The following CYP3A43 variants were observed in gnomAD, a reference collection of about 807,000 sequenced individuals.
The protein encoded by CYP3A43 is cytochrome P450 3A43.
In CYP3A43, 45 loss-of-function variants were observed where a neutral mutation model predicts 58.0. The ratio of observed to expected loss-of-function variants is 0.78; its 90% CI spans 0.61 to 0.99. CYP3A43 has a LOEUF of 0.99. Ranked by LOEUF, CYP3A43 falls within the 50% of genes least tolerant of loss-of-function variation. CYP3A43 has a pLI of 0.00. For missense variants in CYP3A43, 593 were observed against 591.9 expected, an observed-to-expected ratio of 1.00 and a Z score of -0.02; for synonymous variants, 191 against 201.4, an observed-to-expected ratio of 0.95 and a Z score of 0.44.
At chr7:99,833,509 G>C (rs1816931875) in intron 1 of CYP3A43, among the ~76,000 whole-genome samples, 1 of 152,218 alleles carries the variant, frequency 6.6e-6, no homozygotes, top group African/African-American at 2.4e-5. Context: ...CAATGCCTGG[G>C]AAGGGAGGAG....
chr7:99,860,843 A>G lies in CYP3A43; in HGVS notation c.1027-770A>G, dbSNP rs45556241. 2.7e-3 allele frequency among the ~76,000 whole-genome samples: 404 copies of G among 152,014 alleles called. 10 individuals carry two copies. In the East Asian group the frequency reaches 0.055, roughly 21 times the overall value. ...AAAAGAACTAGTTTATCCCCAAACTATTTATAGGGTTTTTATATAACATAG... is the reference window on the plus strand; with the variant it reads ...AAAAGAACTAGTTTATCCCCAAACTGTTTATAGGGTTTTTATATAACATAG... On this transcript the variant is annotated intron_variant, in intron 10 of 12. Transcript: ENST00000354829.
intron 4 of CYP3A43, among the ~76,000 whole-genome samples, chr7:99,844,472 C>T (rs1365133877): frequency 4.6e-5 from 7 of 152,032 alleles, no homozygotes; most frequent in South Asian, 4.1e-4. Flanking sequence ...GCTTTACATG[C>T]CCTCATTTGT....
chr7:99,855,969 G>A (rs1817962474), intron 8 of CYP3A43, among the ~76,000 whole-genome samples: 1 of 152,194 alleles, frequency 6.6e-6, no homozygotes, highest in African/African-American at 2.4e-5. Flanking sequence ...TGTAGAGATA[G>A]AAGCTTTACC....
chr7:99,863,956 G>C (rs914879189), intron 12 of CYP3A43, among the ~76,000 whole-genome samples: 3 of 148,486 alleles, frequency 2.0e-5, no homozygotes, highest in Admixed American at 6.6e-5. Context: ...CTGTGAACTT[G>C]AGCAAATTTT....
chr7:99,840,046 A>G (rs1321931791), intron 3 of CYP3A43, among the ~76,000 whole-genome samples: 1 of 152,072 alleles, frequency 6.6e-6, no homozygotes, highest in African/African-American at 2.4e-5. Context: ...GCCCTTTTCT[A>G]TTGGCACAGC....
In CYP3A43 at chr7:99,828,146, A is replaced by C; in HGVS notation, c.31A>C (p.Thr11Pro). The C allele has an allele frequency of 6.2e-7, 1 of 1,613,240 alleles. No homozygotes were observed. The highest frequency in any genetic ancestry group is 8.5e-7 in the Non-Finnish European group (1 of 1,179,464). The change falls in exon 1 of 13, where the codon ACA becomes CCA. Residue 11 changes from threonine to proline, a missense_variant. Physicochemically the swap from Thr to Pro is conservative, Grantham distance 38. Transcript: ENST00000354829. ...TCTCATTCCAAACTTTGCCATGGAA[A>C]CATGGGTTCTTGTGGCTACCAGCCT... MDLIPNFAMETWVLVATSLVL... is the reference protein window; with the variant it reads MDLIPNFAMEPWVLVATSLVL...
In CYP3A43 at chr7:99,859,856, C is replaced by A. The variant is rs767111010; in HGVS notation, c.892C>A (p.Gln298Lys). Reference sequence around the variant, plus strand: ...TCTGTCTGATCTGGAGCTTGTGGCCCAGTCAATTATCATCATTTTTGCTGC... The same window carrying A: ...TCTGTCTGATCTGGAGCTTGTGGCCAAGTCAATTATCATCATTTTTGCTGC... ...KALSDLELVA[Q>K]SIIIIFAAYD... is the part of the protein sequence containing the mutation. Residue 298 changes from glutamine (Q) to lysine (K), a missense_variant, in exon 10 of 13, where the codon CAG becomes AAG. Physicochemically the swap from Gln to Lys is moderately conservative, Grantham distance 53. Coordinates refer to ENST00000354829, the MANE Select transcript of CYP3A43 (RefSeq NM_057095.3). 7.0e-5 allele frequency: 113 copies of A among 1,614,008 alleles called. No homozygotes were observed. The highest frequency in any genetic ancestry group is 8.5e-5 in the Non-Finnish European group (100 of 1,180,038).
intron 7 of CYP3A43, among the ~76,000 whole-genome samples, chr7:99,852,717 C>T (rs1817809321): frequency 6.6e-6 from 1 of 152,122 alleles, no homozygotes; most frequent in African/African-American, 2.4e-5. Context: ...GTATCCTTGT[C>T]TCATTCATGA....
At chr7:99,863,057 A>G (rs1818303480) in intron 11 of CYP3A43, among the ~76,000 whole-genome samples, 1 of 152,218 alleles carries the variant, frequency 6.6e-6, no homozygotes, top group Non-Finnish European at 1.5e-5. Flanking sequence ...AATGTTTGAC[A>G]TACACATAAC....
chr7:99,836,486 G>T lies in CYP3A43; in HGVS notation c.105G>T (p.Lys35Asn). 3.1e-6 allele frequency: 5 copies of T among 1,610,760 alleles called. No individual in the cohort carries two copies. Among genetic ancestry groups the T allele is most frequent in the Non-Finnish European group, 4.2e-6 (5 of 1,179,294 alleles). The change falls in exon 2 of 13, where the codon AAG becomes AAT. Residue 35 changes from lysine (K) to asparagine (N), a missense_variant. Transcript: ENST00000354829. ...YGTHSHKLFK[K>N]LGIPGPTPLP... ...CCCATTCACATAAACTTTTTAAGAA[G>T]CTGGGAATTCCTGGGCCAACCCCTC... is the stretch of plus-strand genomic sequence containing the variant.
intron 7 of CYP3A43, among the ~76,000 whole-genome samples, chr7:99,852,410 G>C (rs1462678220): frequency 6.6e-6 from 1 of 152,084 alleles, no homozygotes; most frequent in African/African-American, 2.4e-5. Context: ...ACCTTTTTAA[G>C]TTTTCTAATC....
chr7:99,860,022 G>T (rs536383465), intron 10 of CYP3A43, 32 bp downstream of exon 10: 1 of 1,546,710 alleles, frequency 6.5e-7, no homozygotes, highest in Admixed American at 2.0e-5. Context: ...GAAGGAGGGA[G>T]AAGGTGAAGC....
At chr7:99,853,528 A>C (rs192814997) in intron 7 of CYP3A43, among the ~76,000 whole-genome samples, 1 of 152,046 alleles carries the variant, frequency 6.6e-6, no homozygotes, top group Non-Finnish European at 1.5e-5. Flanking sequence ...AAGTTTGCCA[A>C]TTTTGATGAT....
chr7:99,831,538 C>T (rs377657742), intron 1 of CYP3A43, among the ~76,000 whole-genome samples: 8 of 152,316 alleles, frequency 5.3e-5, no homozygotes, highest in African/African-American at 1.4e-4. Flanking sequence ...GTTACATCGG[C>T]GGGATGCAGC....
At chr7:99,844,329 G>A (rs565953842) in intron 4 of CYP3A43, 87 bp downstream of exon 4, 63 of 1,305,108 alleles carry the variant, frequency 4.8e-5, no homozygotes, top group East Asian at 1.5e-4. Context: ...AAATGGACAG[G>A]AAAGTGCTTT....
intron 10 of CYP3A43, among the ~76,000 whole-genome samples, chr7:99,860,570 C>T (rs1563072530): frequency 6.6e-6 from 1 of 152,326 alleles, no homozygotes; most frequent in South Asian, 2.1e-4. Context: ...CAGAATTCTG[C>T]CCAAATTGGA....
At chr7:99,839,484 T>C (rs1817243902) in intron 3 of CYP3A43, 2 of 550,494 alleles carry the variant, frequency 3.6e-6, no homozygotes, top group African/African-American at 1.9e-5. Flanking sequence ...CCTTCCTTTT[T>C]TCCCCAGACA....
Position 99,847,537 on chromosome 7 carries a change from A to T in CYP3A43, c.368A>T (p.Asp123Val). The change falls in exon 5 of 13, where the codon GAT (aspartate) becomes GTT (valine). Residue 123 changes from aspartate to valine, a missense_variant. By Grantham distance (152) the Asp-to-Val change is radical. Transcript: ENST00000354829. ...FLKSALSFAE[D>V]EEWKRIRTLL... ...AAAAGTGCCTTAAGTTTTGCTGAAGATGAAGAATGGAAGAGAATACGAACA... is the reference window on the plus strand; with the variant it reads ...AAAAGTGCCTTAAGTTTTGCTGAAGTTGAAGAATGGAAGAGAATACGAACA... 6.2e-7 allele frequency: 1 copy of T among 1,614,098 alleles called. No individual in the cohort carries two copies.
intron 1 of CYP3A43, among the ~76,000 whole-genome samples, chr7:99,829,505 G>A (rs1007682962): frequency 6.6e-6 from 1 of 152,204 alleles, no homozygotes; most frequent in Non-Finnish European, 1.5e-5. Flanking sequence ...TGATAGAGCA[G>A]ACTCCAGAGA....
Sources: gnomAD v4.1 joint callset for allele counts (sites outside exome capture counted in the v4.1 genomes callset) on GRCh38, gnomAD v4.1.1 for gene constraint, MANE v1.5 for transcripts, NCBI Gene and HGNC (gene_info 2026-07-23, HGNC 2026-07-21) for gene names.